The following CLVS1 variants were observed in gnomAD, a reference collection of about 807,000 sequenced individuals.
CLVS1 encodes the protein clavesin-1.
A neutral mutation model predicts 33.1 loss-of-function variants in CLVS1; 10 were observed. That is an observed-to-expected ratio of 0.30 (90% CI 0.19 to 0.51). The LOEUF (loss-of-function observed/expected upper bound fraction) is 0.51, where lower values mean the gene tolerates loss of function less well. Ranked by LOEUF, CLVS1 falls within the 20% of genes least tolerant of loss-of-function variation. The pLI is 0.97. For synonymous variants in CLVS1, 163 were observed against 166.1 expected (o/e 0.98, Z 0.14); for missense variants, 343 against 433.4 (o/e 0.79, Z 1.85).
intron 3 of CLVS1, among the ~76,000 whole-genome samples, chr8:61,383,975 A>C (rs912695752): frequency 6.6e-6 from 1 of 152,214 alleles, no homozygotes; most frequent in Non-Finnish European, 1.5e-5. Flanking sequence ...TATTTGGAAA[A>C]AGAGACATGT....
Position 61,075,968 on chromosome 8 carries a change from C to T in CLVS1, c.-243+18738C>T, listed in dbSNP as rs181885067. ...GGAATGAAATAAGGAATACAGGGTC[C>T]CTGCCTTTACTGAGTTTAAAATCTA... is the stretch of plus-strand genomic sequence containing the variant. On this transcript the variant is annotated intron_variant, in intron 1 of 2. Coordinates refer to the CLVS1 transcript ENST00000522621. Among the ~76,000 whole-genome samples the T allele has an allele frequency of 2.6e-5, 4 of 152,296 alleles. No individual in the cohort carries two copies. In the East Asian group the frequency reaches 7.7e-4, roughly 29 times the overall value.
At chr8:60,990,462 T>C in the CLVS1 span, among the ~76,000 whole-genome samples, 21 of 152,168 alleles carry the variant, frequency 1.4e-4, no homozygotes, top group Admixed American at 6.5e-4. Flanking sequence ...CAGCCTCTTC[T>C]TCCCCAGGGT....
At chr8:61,425,517 T>C (rs1298673311) in intron 3 of CLVS1, among the ~76,000 whole-genome samples, 1 of 152,182 alleles carries the variant, frequency 6.6e-6, no homozygotes, top group African/African-American at 2.4e-5. Context: ...TTTTAGTGTA[T>C]TCACAGAGTA....
chr8:61,185,434 A>G (rs899302791), intron 2 of CLVS1, among the ~76,000 whole-genome samples: 7 of 151,820 alleles, frequency 4.6e-5, no homozygotes, highest in African/African-American at 1.7e-4. Context: ...AATTATAGGC[A>G]TGAACCACCA....
At chr8:61,154,203 CT>C (rs965849266) in intron 2 of CLVS1, among the ~76,000 whole-genome samples, 3 of 150,978 alleles carry the variant, frequency 2.0e-5, no homozygotes. Flanking sequence ...ACCCAAGATG[CT>C]TTTTTTGTTT....
In CLVS1 at chr8:61,064,536, CAT is replaced by C. The variant is rs766586168; in HGVS notation, c.-243+7307_-243+7308del. On this transcript the variant is annotated intron_variant, in intron 1 of 2. Coordinates refer to the CLVS1 transcript ENST00000522621. ...GAAATGTCTATTCAAGTTCTTTGCCCATTTTTTTTTTTTTTTTTTTTGAGACA... is the reference window on the plus strand; with the variant it reads ...GAAATGTCTATTCAAGTTCTTTGCCCTTTTTTTTTTTTTTTTTTTGAGACA... Among the ~76,000 whole-genome samples, 190 of 141,436 alleles carry C rather than the reference CAT, an allele frequency of 1.3e-3. 6 individuals carry two copies. The highest frequency in any genetic ancestry group is 2.6e-3 in the African/African-American group (98 of 38,182). The allele number at this position is 141,436 out of a possible 152,430, so 92.8% of individuals were successfully genotyped here. A position where few individuals can be genotyped will look rare whatever the true frequency, so the allele number is the denominator to read the frequency against.
chr8:61,063,736 CATA>C (rs1469885546), intron 1 of CLVS1, among the ~76,000 whole-genome samples: 1 of 152,188 alleles, frequency 6.6e-6, no homozygotes, highest in Non-Finnish European at 1.5e-5. Flanking sequence ...AGATACATAA[CATA>C]AAATTACCAT....
chr8:61,294,690 AT>A (rs1447907079), intron 1 of CLVS1, among the ~76,000 whole-genome samples: 1 of 152,208 alleles, frequency 6.6e-6, no homozygotes, highest in African/African-American at 2.4e-5. Flanking sequence ...ACATATACAT[AT>A]TTTTAGATGA....
chr8:61,355,131 T>C (rs1045478751), intron 2 of CLVS1, among the ~76,000 whole-genome samples: 2 of 152,156 alleles, frequency 1.3e-5, no homozygotes, highest in Non-Finnish European at 2.9e-5. Flanking sequence ...AGCACTTGAC[T>C]TTATCAGCTA....
At chr8:61,120,733 C>G (rs1253498562) in intron 1 of CLVS1, among the ~76,000 whole-genome samples, 2 of 143,400 alleles carry the variant, frequency 1.4e-5, no homozygotes, top group Non-Finnish European at 1.5e-5. Flanking sequence ...TGCCCGTTCT[C>G]AGATCTCCAG....
chr8:61,435,085 A>G (rs1325312136), intron 3 of CLVS1, among the ~76,000 whole-genome samples: 2 of 152,218 alleles, frequency 1.3e-5, no homozygotes, highest in African/African-American at 4.8e-5. Flanking sequence ...GACTCCCTAG[A>G]TCCCTTAGGT....
chr8:61,138,215 G>A (rs934292167), intron 2 of CLVS1, among the ~76,000 whole-genome samples: 1 of 152,212 alleles, frequency 6.6e-6, no homozygotes, highest in African/African-American at 2.4e-5. Context: ...TTAAATAGGT[G>A]AAGAGGTCAT....
chr8:61,305,704 C>T (rs1412380013), intron 2 of CLVS1, among the ~76,000 whole-genome samples: 2 of 152,092 alleles, frequency 1.3e-5, no homozygotes, highest in African/African-American at 2.4e-5. Context: ...GCCCTCCCTC[C>T]TCCCACTCTC....
intron 2 of CLVS1, among the ~76,000 whole-genome samples, chr8:61,243,603 C>T (rs2129314662): frequency 6.6e-6 from 1 of 152,258 alleles, no homozygotes; most frequent in East Asian, 1.9e-4. Flanking sequence ...CTATTTCATC[C>T]AAGGTGATAA....
intron 3 of CLVS1, chr8:61,377,582 G>A (rs1243447004): frequency 6.6e-6 from 1 of 152,178 alleles, no homozygotes; most frequent in African/African-American, 2.4e-5. Flanking sequence ...TATGTATATA[G>A]CAAAATATGA....
intron 2 of CLVS1, among the ~76,000 whole-genome samples, chr8:61,314,147 T>C (rs909525723): frequency 2.6e-5 from 4 of 152,166 alleles, no homozygotes; most frequent in Non-Finnish European, 5.9e-5. Flanking sequence ...ATGGAGAGCT[T>C]GGGGAAGGGA....
chr8:61,054,332 C>T (rs979355928), upstream of CLVS1, among the ~76,000 whole-genome samples: 1 of 152,164 alleles, frequency 6.6e-6, no homozygotes, highest in Non-Finnish European at 1.5e-5. Context: ...AGATTCCACC[C>T]GTGACCCAAG....
intron 2 of CLVS1, among the ~76,000 whole-genome samples, chr8:61,208,678 T>C (rs1807908980): frequency 1.3e-5 from 2 of 151,932 alleles, no homozygotes; most frequent in Admixed American, 1.3e-4. Flanking sequence ...AACCTCTGCC[T>C]CCAGGTTCAA....
At chr8:61,449,877 C>T (rs969950078) in intron 3 of CLVS1, among the ~76,000 whole-genome samples, 1 of 152,162 alleles carries the variant, frequency 6.6e-6, no homozygotes, top group African/African-American at 2.4e-5. Flanking sequence ...CTATCCAGGT[C>T]TTAGTTGTAC....
Sources: gnomAD v4.1 joint callset for allele counts (sites outside exome capture counted in the v4.1 genomes callset) on GRCh38, gnomAD v4.1.1 for gene constraint, MANE v1.5 for transcripts, NCBI Gene and HGNC (gene_info 2026-07-23, HGNC 2026-07-21) for gene names.